The following ALPK2 variants were observed in gnomAD, a reference collection of about 807,000 sequenced individuals.
ALPK2 encodes the protein alpha kinase 2.
ALPK2 carries 127 observed loss-of-function variants against 163.1 expected under a neutral mutation model. That is an observed-to-expected ratio of 0.78 (90% CI 0.67 to 0.90). The LOEUF (loss-of-function observed/expected upper bound fraction) is 0.90. ALPK2 is among the 40% of genes least tolerant of loss of function. ALPK2 has a pLI of 0.00. For missense variants in ALPK2, 2,360 were observed against 2,589.6 expected, an observed-to-expected ratio of 0.91 and a Z score of 1.92; for synonymous variants, 953 against 959.1, an observed-to-expected ratio of 0.99 and a Z score of 0.12.
intron 8 of ALPK2, 120 bp from the exon 9 acceptor site, chr18:58,517,302 G>T: frequency 2.0e-6 from 2 of 1,009,284 alleles, no homozygotes; most frequent in South Asian, 1.6e-5. Context: ...AGAACCAAGA[G>T]GGGGCAGACA....
At chr18:58,616,486 A>G (rs1471538320) in intron 1 of ALPK2, among the ~76,000 whole-genome samples, 3 of 152,232 alleles carry the variant, frequency 2.0e-5, no homozygotes. Flanking sequence ...GGTTCAGATC[A>G]GGTGCTTTTT....
At chr18:58,542,724 A>G (rs11661837) in intron 4 of ALPK2, among the ~76,000 whole-genome samples, 19,714 of 152,168 alleles carry the variant, frequency 0.13, 1,512 homozygotes, top group East Asian at 0.19. Flanking sequence ...GTGCATCCAG[A>G]CCAGAGCTGG....
chr18:58,557,668 ACGTGTGTG>A (rs1243347612), intron 4 of ALPK2, among the ~76,000 whole-genome samples: 506 of 37,234 alleles, frequency 0.014, 3 homozygotes, highest in African/African-American at 0.041. Flanking sequence ...ACATATATAT[ACGTGTGTG>A]TGTGTGTGTG....
intron 4 of ALPK2, among the ~76,000 whole-genome samples, chr18:58,556,174 C>T (rs1316461159): frequency 1.3e-5 from 2 of 152,116 alleles, no homozygotes; most frequent in South Asian, 4.1e-4. Context: ...AGATCTCACA[C>T]ACACACACAC....
intron 12 of ALPK2, among the ~76,000 whole-genome samples, chr18:58,495,189 A>G (rs2051395372): frequency 6.6e-6 from 1 of 152,238 alleles, no homozygotes; most frequent in South Asian, 2.1e-4. Flanking sequence ...TTACCTTTTC[A>G]TCAGTTTTTC....
At chr18:58,578,392 C>G (rs2051932947) in intron 4 of ALPK2, 1 of 157,782 alleles carries the variant, frequency 6.3e-6, no homozygotes, top group African/African-American at 2.4e-5. Flanking sequence ...CTGCAAATGA[C>G]TAAAAACAAT....
At chr18:58,569,310 C>A (rs1042503595) in intron 4 of ALPK2, among the ~76,000 whole-genome samples, 1 of 152,194 alleles carries the variant, frequency 6.6e-6, no homozygotes, top group Non-Finnish European at 1.5e-5. Context: ...GCCCACACTG[C>A]AGACCAAATC....
intron 11 of ALPK2, among the ~76,000 whole-genome samples, chr18:58,499,593 A>G (rs2051421046): frequency 6.6e-6 from 1 of 152,226 alleles, no homozygotes; most frequent in African/African-American, 2.4e-5. Flanking sequence ...CACTTGCTCC[A>G]ACGCAGTGGA....
chr18:58,487,244 A>C (rs1602181293), intron 12 of ALPK2, among the ~76,000 whole-genome samples: 1 of 152,342 alleles, frequency 6.6e-6, no homozygotes, highest in Middle Eastern at 3.4e-3. Flanking sequence ...TCTCATAAGA[A>C]GATGACAAAA....
chr18:58,582,744 C>A (rs764287719), intron 3 of ALPK2, among the ~76,000 whole-genome samples: 1 of 151,678 alleles, frequency 6.6e-6, no homozygotes, highest in Non-Finnish European at 1.5e-5. Flanking sequence ...TAAATCAATA[C>A]GTATAAGGTG....
intron 8 of ALPK2, among the ~76,000 whole-genome samples, chr18:58,522,810 G>A (rs60164976): frequency 0.046 from 6,968 of 152,136 alleles, 303 homozygotes; most frequent in African/African-American, 0.11. Flanking sequence ...CTACAGTGTA[G>A]CATCCAATTC....
chr18:58,585,680 CTTTTT>C (rs71173066), intron 3 of ALPK2, among the ~76,000 whole-genome samples: 1 of 77,630 alleles, frequency 1.3e-5, no homozygotes, highest in South Asian at 5.5e-4. Context: ...TTCTATGTTG[CTTTTT>C]TTTTTTTTTT....
chr18:58,621,344 G>A (rs534248701), intron 1 of ALPK2, among the ~76,000 whole-genome samples: 2 of 150,496 alleles, frequency 1.3e-5, no homozygotes, highest in African/African-American at 4.9e-5. Context: ...GCACTATCTC[G>A]GCTCACTGCA....
intron 2 of ALPK2, among the ~76,000 whole-genome samples, chr18:58,609,746 T>G (rs1309758763): frequency 6.6e-6 from 1 of 152,216 alleles, no homozygotes; most frequent in Non-Finnish European, 1.5e-5. Flanking sequence ...CCCCTTGTTT[T>G]TGGAACCTAC....
At chr18:58,570,841 T>G (rs1288835610) in intron 4 of ALPK2, among the ~76,000 whole-genome samples, 1 of 152,116 alleles carries the variant, frequency 6.6e-6, no homozygotes, top group Non-Finnish European at 1.5e-5. Context: ...TCTTCAACCT[T>G]TAGTTCAGCT....
chr18:58,614,876 C>T (rs527458033), intron 1 of ALPK2, among the ~76,000 whole-genome samples: 1 of 152,318 alleles, frequency 6.6e-6, no homozygotes, highest in East Asian at 1.9e-4. Flanking sequence ...AATCCCTACA[C>T]CCCTTTTACC....
At chr18:58,499,062 GTTC>G (rs1415176262) in intron 11 of ALPK2, among the ~76,000 whole-genome samples, 2 of 152,152 alleles carry the variant, frequency 1.3e-5, no homozygotes, top group Admixed American at 1.3e-4. Flanking sequence ...ACAATCCTGA[GTTC>G]TATGTAGACA....
chr18:58,535,474 G>T lies in ALPK2; in HGVS notation c.4713C>A (p.Asp1571Glu). The part of the protein sequence containing the change: ...TGQIHDVPEN[D>E]IVEPRKRQYV... The stretch of plus-strand genomic sequence containing the variant: ...ACTGACGCTTTCTGGGCTCAACTAT[G>T]TCATTTTCAGGGACGTCATGAATTT... The change falls in exon 5 of 13, where the codon GAC (aspartate) becomes GAA (glutamate). Residue 1571 changes from aspartate to glutamate, a missense_variant. Asp to Glu is a conservative substitution (Grantham distance 45). Coordinates refer to ENST00000361673, the MANE Select transcript of ALPK2 (RefSeq NM_052947.4). The T allele has an allele frequency of 6.2e-7, 1 of 1,614,210 alleles. No homozygotes were observed. Among genetic ancestry groups the T allele is most frequent in the African/African-American group, 1.3e-5 (1 of 75,054 alleles).
Position 58,579,192 on chromosome 18 carries a change from C to G in ALPK2, c.1584G>C (p.Lys528Asn), listed in dbSNP as rs754029934. The G allele has an allele frequency of 6.2e-7, 1 of 1,614,170 alleles. No homozygotes were observed. Among genetic ancestry groups the G allele is most frequent in the Non-Finnish European group, 8.5e-7 (1 of 1,180,020 alleles). ...CCCTGGCAGATTTCCTTGAACCCCTCTTGCTCCATAAGTCCTTTCCCCCCA... is the reference window on the plus strand; with the variant it reads ...CCCTGGCAGATTTCCTTGAACCCCTGTTGCTCCATAAGTCCTTTCCCCCCA... ...KRVGGKDLWSKRGSRKSARVR... is the reference protein window; with the variant it reads ...KRVGGKDLWSNRGSRKSARVR... The change falls in exon 4 of 13, where the codon AAG (lysine) becomes AAC (asparagine). Residue 528 changes from lysine (K) to asparagine (N), a missense_variant. Lys to Asn is a moderately conservative substitution (Grantham distance 94). Coordinates refer to ENST00000361673, the MANE Select transcript of ALPK2 (RefSeq NM_052947.4).
Sources: allele counts gnomAD v4.1 joint callset (sites outside exome capture counted in the v4.1 genomes callset), GRCh38; gene constraint gnomAD v4.1.1; transcripts MANE v1.5; gene names NCBI Gene and HGNC (gene_info 2026-07-23, HGNC 2026-07-21).